SEPTIN6: variants seen among roughly 807,000 people sequenced by gnomAD.
The protein encoded by SEPTIN6 is septin-6.
Under a neutral mutation model 33.6 loss-of-function variants are expected in SEPTIN6, and 8 were observed. That is an observed-to-expected ratio of 0.24 (90% confidence interval 0.14 to 0.43). The LOEUF is 0.43. SEPTIN6 is among the 20% of genes least tolerant of loss of function. SEPTIN6 has a pLI of 1.00. For missense variants in SEPTIN6, 250 were observed against 340.8 expected, an observed-to-expected ratio of 0.73 and a Z score of 2.10; for synonymous variants, 131 against 140.0, an observed-to-expected ratio of 0.94 and a Z score of 0.45.
intron 9 of SEPTIN6, 50 bp from the exon 10 acceptor site, chrX:119,625,429 C>A (rs1329043006): frequency 2.7e-6 from 3 of 1,095,528 alleles, no homozygotes; most frequent in Non-Finnish European, 3.8e-6. Context: ...GAGGGGAAAT[C>A]AAATATTATG....
At position 119,617,119 on chromosome X, in the gene SEPTIN6, T is replaced by TAC. The variant is rs2053678461; in HGVS notation, c.*2973_*2974insGT. On this transcript the variant is annotated 3_prime_UTR_variant, in exon 11 of 11. Coordinates refer to ENST00000394610, the MANE Select transcript of SEPTIN6 (RefSeq NM_145799.4). ...GTGTACGTGTGTGTGTGTGTGTGTG[T>TAC]GTGTGTGTGTGTGTGTGTGTGTGTG... 2 of 796,305 alleles carry TAC rather than the reference T, an allele frequency of 2.5e-6. No homozygotes were observed. The highest frequency in any genetic ancestry group is 2.8e-5 in the African/African-American group (1 of 35,519). 65.6% of individuals were successfully genotyped at this position (796,305 alleles called of 1,213,427 possible).
chrX:119,628,081 G>A (rs1041740881), intron 9 of SEPTIN6, among the ~76,000 whole-genome samples: 2 of 107,005 alleles, frequency 1.9e-5, no homozygotes, highest in African/African-American at 3.4e-5. Context: ...ATTACACCAC[G>A]CCCGGCCCGT....
chrX:119,673,396 C>T (rs969409962), intron 2 of SEPTIN6, among the ~76,000 whole-genome samples: 11 of 110,659 alleles, frequency 9.9e-5, no homozygotes, highest in African/African-American at 3.6e-4. Flanking sequence ...TGGGAGTGAG[C>T]CATTTAGCTA....
Position 119,640,859 on chromosome X carries a change from T to C in SEPTIN6, c.691-71A>G, listed in dbSNP as rs1350427708. 3.2e-6 allele frequency: 3 copies of C among 940,718 alleles called. No homozygotes were observed. The African/African-American group carries it at 5.8e-5, about 18-fold the overall frequency. The allele number at this position is 940,718 out of a possible 1,213,427, so 77.5% of individuals were successfully genotyped here. On this transcript the variant is annotated intron_variant, in intron 5 of 10. Transcript: ENST00000394610. ...ACTGAGTGTTACACAACCCAACTGC[T>C]GTTCGTCTCTGGGGCCCCAGGCCCT...
In SEPTIN6 at chrX:119,629,396, G is replaced by C; in HGVS notation, c.1202C>G (p.Thr401Arg). Residue 401 changes from threonine (T) to arginine (R), a missense_variant, in exon 9 of 11, where the codon ACG becomes AGG. Thr to Arg is a moderately conservative substitution (Grantham distance 71). Coordinates refer to ENST00000394610, the MANE Select transcript of SEPTIN6 (RefSeq NM_145799.4). ...CTGGGACTGGAGCAGCTCAGCCGCCGTCTTTCTTTGCTTGAAAGCATTCAC... is the reference window on the plus strand; with the variant it reads ...CTGGGACTGGAGCAGCTCAGCCGCCCTCTTTCTTTGCTTGAAAGCATTCAC... ...DEVNAFKQRK[T>R]AAELLQSQGS... The C allele has an allele frequency of 8.3e-7, 1 of 1,211,344 alleles. No individual in the cohort carries two copies. Among genetic ancestry groups the C allele is most frequent in the South Asian group, 1.8e-5 (1 of 56,987 alleles).
At chrX:119,673,971 C>T (rs1182625543) in intron 2 of SEPTIN6, among the ~76,000 whole-genome samples, 8 of 107,797 alleles carry the variant, frequency 7.4e-5, no homozygotes, top group Non-Finnish European at 1.5e-4. Flanking sequence ...GTTCCCCATA[C>T]GCTCTATACA....
intron 2 of SEPTIN6, among the ~76,000 whole-genome samples, chrX:119,666,957 C>T (rs751061901): frequency 9.0e-6 from 1 of 111,003 alleles, no homozygotes; most frequent in African/African-American, 3.3e-5. Context: ...CCTAACTCAC[C>T]TCCCCTCTCG....
intron 5 of SEPTIN6, among the ~76,000 whole-genome samples, chrX:119,641,155 G>A (rs1404681170): frequency 8.9e-6 from 1 of 111,950 alleles, no homozygotes. Context: ...GGGGGGTTCT[G>A]TGTGGATAGA....
chrX:119,623,983 AACTTTATAAACTTCTATTAAC>A (rs747043191), intron 10 of SEPTIN6: 2 of 268,591 alleles, frequency 7.4e-6, no homozygotes, highest in East Asian at 1.9e-4. Flanking sequence ...AACTATGTGA[AACTTTATAAACTTCTATTAAC>A]ACAACATCTA....
intron 10 of SEPTIN6, among the ~76,000 whole-genome samples, chrX:119,620,805 G>A (rs1343138901): frequency 9.1e-6 from 1 of 109,500 alleles, no homozygotes; most frequent in East Asian, 2.8e-4. Context: ...ATTTTTAGTA[G>A]CGACGGGGGT....
intron 6 of SEPTIN6, among the ~76,000 whole-genome samples, chrX:119,637,589 CCACT>C (rs1291864231): frequency 6.5e-5 from 7 of 106,983 alleles, no homozygotes; most frequent in African/African-American, 2.1e-4. Flanking sequence ...ATCCATCCAT[CCACT>C]CATCCATCCA....
At chrX:119,683,857 G>A (rs2147651280) in intron 1 of SEPTIN6, among the ~76,000 whole-genome samples, 1 of 111,012 alleles carries the variant, frequency 9.0e-6, no homozygotes, top group African/African-American at 3.3e-5. Context: ...AGAGCATTTA[G>A]CTTTCAGGCA....
intron 9 of SEPTIN6, among the ~76,000 whole-genome samples, chrX:119,628,127 A>G (rs1424406373): frequency 2.9e-5 from 2 of 68,952 alleles, no homozygotes; most frequent in African/African-American, 1.1e-4. Context: ...TTTCTTTTCT[A>G]TTTTTTTTTT....
chrX:119,661,103 A>AAACAG (rs1482463715), intron 3 of SEPTIN6, among the ~76,000 whole-genome samples: 2 of 107,303 alleles, frequency 1.9e-5, no homozygotes, highest in African/African-American at 3.4e-5. Flanking sequence ...TTCAAATGCA[A>AAACAG]AACAGAACTC....
intron 8 of SEPTIN6, among the ~76,000 whole-genome samples, chrX:119,632,503 AT>A (rs1404802062): frequency 0.035 from 3,450 of 99,086 alleles, 64 homozygotes; most frequent in Non-Finnish European, 0.057. Flanking sequence ...GCCAACAGAC[AT>A]TTTTTTTTTT....
intron 2 of SEPTIN6, among the ~76,000 whole-genome samples, chrX:119,666,270 T>C (rs1424429311): frequency 4.5e-5 from 5 of 111,974 alleles, no homozygotes; most frequent in Admixed American, 1.9e-4. Flanking sequence ...CAGTCGGGAC[T>C]GGGTTTGCAT....
At chrX:119,657,601 C>G (rs1362053367) in intron 3 of SEPTIN6, among the ~76,000 whole-genome samples, 1 of 111,628 alleles carries the variant, frequency 9.0e-6, no homozygotes, top group Non-Finnish European at 1.9e-5. Context: ...TGACCTCGAA[C>G]TCATGAGCTC....
chrX:119,646,865 G>C (rs368355014), intron 5 of SEPTIN6: 6 of 216,502 alleles, frequency 2.8e-5, no homozygotes, highest in Non-Finnish European at 6.3e-5. Flanking sequence ...ATACACCACG[G>C]CTTGTGTGAA....
intron 3 of SEPTIN6, among the ~76,000 whole-genome samples, chrX:119,653,649 T>C (rs1215801407): frequency 1.8e-5 from 2 of 112,656 alleles, no homozygotes; most frequent in African/African-American, 3.2e-5. Context: ...TTTGGCCCAC[T>C]GCTGGGCAAT....
Sources: gnomAD v4.1 joint callset for allele counts (sites outside exome capture counted in the v4.1 genomes callset) on GRCh38, gnomAD v4.1.1 for gene constraint, MANE v1.5 for transcripts, NCBI Gene and HGNC (gene_info 2026-07-23, HGNC 2026-07-21) for gene names.